Variants in SNAPC1 observed in about 807,000 individuals in gnomAD.
SNAPC1 encodes the protein small nuclear RNA activating complex polypeptide 1.
SNAPC1 carries 42 observed loss-of-function variants against 50.1 expected under a neutral mutation model. The observed-to-expected ratio is 0.84, with a 90% CI of 0.65 to 1.08. SNAPC1 has a LOEUF of 1.08. Among genes scored for constraint, SNAPC1 ranks in the 50% least tolerant of loss-of-function variants. The probability of loss-of-function intolerance (pLI) is 0.00; values close to 1 mark genes in which losing one functional copy is unlikely to be tolerated. For missense variants in SNAPC1, 477 were observed against 427.3 expected (o/e 1.12, Z -1.02); for synonymous variants, 164 against 144.2 (o/e 1.14, Z -0.98).
At chr14:61,779,708 G>GTTTTTTTTTTTTTT (rs5809124) in intron 7 of SNAPC1, among the ~76,000 whole-genome samples, 1 of 115,530 alleles carries the variant, frequency 8.7e-6, no homozygotes, top group Non-Finnish European at 1.7e-5. Context: ...CACTTTGTTG[G>GTTTTTTTTTTTTTT]TTTTTTTTTT....
intron 1 of SNAPC1, among the ~76,000 whole-genome samples, chr14:61,763,037 C>CT (rs1200828114): frequency 8.9e-6 from 1 of 112,640 alleles, no homozygotes; most frequent in African/African-American, 3.3e-5. Flanking sequence ...GTCGCCCAGG[C>CT]TGGAGTGCAA....
At position 61,778,150 on chromosome 14, in the gene SNAPC1, CTT is replaced by C; in HGVS notation, c.762+12_762+13del. 1.9e-6 allele frequency: 3 copies of C among 1,559,922 alleles called. No individual in the cohort carries two copies. The highest frequency in any genetic ancestry group is 2.6e-6 in the Non-Finnish European group (3 of 1,136,322). ...TTCACAAGAAACGGAGGTCAGAAAA[CTT>C]TGCAATTCATATTATGTGTGGCTGT... On this transcript the variant is annotated intron_variant, in intron 6 of 9. Coordinates refer to ENST00000216294, the MANE Select transcript of SNAPC1 (RefSeq NM_003082.4).
At chr14:61,792,765 A>G in intron 8 of SNAPC1, 42 bp from the exon 9 acceptor site, 1 of 1,119,220 alleles carries the variant, frequency 8.9e-7, no homozygotes, top group Non-Finnish European at 1.3e-6. Flanking sequence ...AGATTATAAT[A>G]TTCTTTGCTT....
chr14:61,773,078 C>T (rs1052509436), intron 4 of SNAPC1, among the ~76,000 whole-genome samples: 3 of 152,148 alleles, frequency 2.0e-5, no homozygotes, highest in African/African-American at 4.8e-5. Context: ...CCTGCAACTG[C>T]TATTAAGTCT....
At position 61,782,387 on chromosome 14, in the gene SNAPC1, C is replaced by A; in HGVS notation, c.966C>A (p.Leu322=). The A allele has an allele frequency of 1.2e-6, 2 of 1,607,296 alleles. No individual in the cohort carries two copies. The highest frequency in any genetic ancestry group is 8.5e-7 in the Non-Finnish European group (1 of 1,178,086). ...RLKPAGRKMS[L]RNKGNVQNIH... The stretch of plus-strand genomic sequence containing the variant: ...AACCAGCAGGAAGGAAGATGTCTCT[C>A]AGAAACAAAGGTAACTTTTTAAAGT... Residue 322 remains leucine (L), a synonymous_variant, in exon 8 of 10, where the codon CTC becomes CTA. Transcript: ENST00000216294.
chr14:61,766,704 T>A (rs1291205805), intron 1 of SNAPC1, among the ~76,000 whole-genome samples, 172 bp from the exon 2 acceptor site: 3 of 152,252 alleles, frequency 2.0e-5, no homozygotes, highest in Non-Finnish European at 4.4e-5. Context: ...GTTTACCTAG[T>A]AGTTGCCTTT....
At chr14:61,778,489 G>A (rs1482285509) in intron 6 of SNAPC1, among the ~76,000 whole-genome samples, 1 of 152,210 alleles carries the variant, frequency 6.6e-6, no homozygotes, top group East Asian at 1.9e-4. Context: ...TGCCTCCAGA[G>A]TTTTCATCCA....
chr14:61,768,272 G>A (rs1007029928), intron 3 of SNAPC1, among the ~76,000 whole-genome samples: 6 of 152,218 alleles, frequency 3.9e-5, no homozygotes, highest in South Asian at 2.1e-4. Flanking sequence ...ACTGAAAGAC[G>A]TACAAAATTG....
Position 61,774,648 on chromosome 14 carries a change from A to ATTTCTTTTTTTTTTTT in SNAPC1, c.535-1444_535-1443insCTTTTTTTTTTTTTTT, listed in dbSNP as rs1172798543. ...ACTCACCACTATTGATCAGTTTCTC[A>ATTTCTTTTTTTTTTTT]TTTTTTTTTTTTTTTTTTTTTTTTT... On this transcript the variant is annotated intron_variant, in intron 4 of 9. Transcript: ENST00000216294. Among the ~76,000 whole-genome samples the ATTTCTTTTTTTTTTTT allele has an allele frequency of 1.1e-4, 10 of 90,968 alleles. 3 individuals are homozygous for ATTTCTTTTTTTTTTTT. The highest frequency in any genetic ancestry group is 2.9e-4 in the African/African-American group (7 of 24,224). The allele number at this position is 90,968 out of a possible 152,430, so 59.7% of individuals were successfully genotyped here.
chr14:61,780,008 C>T (rs1169864880), intron 7 of SNAPC1, among the ~76,000 whole-genome samples: 1 of 152,034 alleles, frequency 6.6e-6, no homozygotes, highest in Non-Finnish European at 1.5e-5. Flanking sequence ...TGCACCTGGC[C>T]CATTTTGTTG....
chr14:61,776,376 G>T (rs1035120879), intron 5 of SNAPC1, 123 bp downstream of exon 5: 13 of 851,252 alleles, frequency 1.5e-5, no homozygotes, highest in Non-Finnish European at 2.2e-5. Flanking sequence ...AGATTTATAG[G>T]GCTTGGCTTT....
intron 4 of SNAPC1, among the ~76,000 whole-genome samples, chr14:61,773,266 A>AT (rs1487472740): frequency 6.6e-6 from 1 of 152,158 alleles, no homozygotes; most frequent in Admixed American, 6.6e-5. Context: ...CTGTTTCTTC[A>AT]TTTATACAGT....
At chr14:61,787,590 T>A (rs1220818890) in intron 8 of SNAPC1, among the ~76,000 whole-genome samples, 1 of 152,212 alleles carries the variant, frequency 6.6e-6, no homozygotes, top group Non-Finnish European at 1.5e-5. Flanking sequence ...ACAGAACAGC[T>A]GGATTGGTTA....
At chr14:61,780,888 G>C (rs57685393) in intron 7 of SNAPC1, among the ~76,000 whole-genome samples, 7 of 149,470 alleles carry the variant, frequency 4.7e-5, no homozygotes, top group Non-Finnish European at 7.4e-5. Flanking sequence ...GAAAATATTT[G>C]AAAAAAAAAA....
intron 7 of SNAPC1, among the ~76,000 whole-genome samples, chr14:61,781,095 G>A (rs1566591149): frequency 6.6e-6 from 1 of 152,088 alleles, no homozygotes; most frequent in Non-Finnish European, 1.5e-5. Context: ...TTTGGTATAC[G>A]AAGGAAGTCC....
intron 6 of SNAPC1, among the ~76,000 whole-genome samples, chr14:61,778,594 C>T (rs2045051220): frequency 6.6e-6 from 1 of 152,202 alleles, no homozygotes; most frequent in African/African-American, 2.4e-5. Context: ...GGCTTTCATT[C>T]ATACTGTCCT....
Position 61,795,179 on chromosome 14 carries a change from T to A in SNAPC1, c.*196T>A, listed in dbSNP as rs554328117. 4 of 521,844 alleles carry A rather than the reference T, an allele frequency of 7.7e-6. No individual in the cohort carries two copies. The highest frequency in any genetic ancestry group is 2.0e-5 in the African/African-American group (1 of 50,422). The allele number at this position is 521,844 out of a possible 1,614,324, so 32.3% of individuals were successfully genotyped here. A position where few individuals can be genotyped will look rare whatever the true frequency, so the allele number is the denominator to read the frequency against. ...AGAATAAGAATTCTTTAACATTTTCTTTAATGATTTGCATAAATGGAGATA... is the reference window on the plus strand; with the variant it reads ...AGAATAAGAATTCTTTAACATTTTCATTAATGATTTGCATAAATGGAGATA... On this transcript the variant is annotated 3_prime_UTR_variant, in exon 10 of 10. Transcript: ENST00000216294.
rs751048046 is a variant in SNAPC1, at chr14:61,762,576, G to A, written c.116G>A (p.Gly39Glu). 4 of 1,613,636 alleles carry A rather than the reference G, an allele frequency of 2.5e-6. No individual in the cohort carries two copies. The highest frequency in any genetic ancestry group is 3.3e-5 in the Admixed American group (2 of 59,986). ...FTELWRNMKF[G>E]TIFCGRMRNL... ...GAGCTCTGGAGAAACATGAAGTTCG[G>A]GACTATCTTCTGGTGGGTGTTTCTT... Residue 39 changes from glycine to glutamate, a missense_variant, in exon 1 of 10, where the codon GGG becomes GAG. Gly to Glu is a moderately conservative substitution (Grantham distance 98). Transcript: ENST00000216294.
At position 61,770,133 on chromosome 14, in the gene SNAPC1, C is replaced by G. The variant is rs145222752; in HGVS notation, c.534+1393C>G. On this transcript the variant is annotated intron_variant, in intron 4 of 9. Transcript: ENST00000216294. ...ATATACCCTTAATAAATGTTAATTC[C>G]CTTTTTCTCCAGCCCTACTCAGTCT... Among the ~76,000 whole-genome samples, 9 of 152,132 alleles carry G rather than the reference C, an allele frequency of 5.9e-5. No homozygotes were observed. The East Asian group carries it at 1.7e-3, about 29-fold the overall frequency.
Sources: allele counts gnomAD v4.1 joint callset (sites outside exome capture counted in the v4.1 genomes callset), GRCh38; gene constraint gnomAD v4.1.1; transcripts MANE v1.5; gene names NCBI Gene and HGNC (gene_info 2026-07-23, HGNC 2026-07-21).